The following UBE2R2 variants were observed in gnomAD, a reference collection of about 807,000 sequenced individuals.
UBE2R2 encodes ubiquitin-conjugating enzyme E2 R2.
Under a neutral mutation model 27.8 loss-of-function variants are expected in UBE2R2, and 1 was observed. That is an observed-to-expected ratio of 0.04 (90% CI 0.01 to 0.17). UBE2R2 has a LOEUF of 0.17. Among genes scored for constraint, UBE2R2 ranks in the 10% least tolerant of loss-of-function variants. The pLI is 1.00. For missense variants in UBE2R2, 100 were observed against 291.0 expected (o/e 0.34, Z 4.78); for synonymous variants, 106 against 113.3 (o/e 0.94, Z 0.41).
intron 1 of UBE2R2, among the ~76,000 whole-genome samples, chr9:33,874,925 C>T (rs940024205): frequency 3.3e-5 from 5 of 152,032 alleles, no homozygotes; most frequent in South Asian, 2.1e-4. Context: ...GCCTCAGCCT[C>T]GCAAGGTGCT....
chr9:33,822,278 A>G (rs918389430), intron 1 of UBE2R2, among the ~76,000 whole-genome samples: 1 of 151,724 alleles, frequency 6.6e-6, no homozygotes, highest in East Asian at 1.9e-4. Context: ...TTTGGTAGAG[A>G]CGAGGTTTCT....
chr9:33,854,030 C>T (rs1389601917), intron 1 of UBE2R2, among the ~76,000 whole-genome samples: 1 of 152,020 alleles, frequency 6.6e-6, no homozygotes, highest in East Asian at 1.9e-4. Context: ...ATTGTTTTAA[C>T]TGTGTCCCAC....
At chr9:33,850,727 A>G (rs1244330620) in intron 1 of UBE2R2, among the ~76,000 whole-genome samples, 1 of 152,198 alleles carries the variant, frequency 6.6e-6, no homozygotes, top group African/African-American at 2.4e-5. Flanking sequence ...TAGTTCACAT[A>G]TATAGTTTTA....
chr9:33,850,876 C>T (rs955203523), intron 1 of UBE2R2, among the ~76,000 whole-genome samples: 1 of 152,170 alleles, frequency 6.6e-6, no homozygotes, highest in Non-Finnish European at 1.5e-5. Context: ...TGGTTACCTC[C>T]AGCATAAAGC....
chr9:33,854,573 C>T (rs765019393), intron 1 of UBE2R2, among the ~76,000 whole-genome samples: 6 of 151,978 alleles, frequency 3.9e-5, no homozygotes, highest in South Asian at 2.1e-4. Flanking sequence ...CCGCCTGCTT[C>T]GGCCTCCCAA....
intron 2 of UBE2R2, among the ~76,000 whole-genome samples, chr9:33,896,953 GT>G (rs35702790): frequency 0.45 from 57,266 of 127,980 alleles, 11,607 homozygotes; most frequent in South Asian, 0.52. Context: ...TGTTTTTTGT[GT>G]TTTTTTTTTG....
intron 1 of UBE2R2, among the ~76,000 whole-genome samples, chr9:33,848,963 A>G (rs1175881423): frequency 1.3e-5 from 2 of 151,942 alleles, no homozygotes; most frequent in African/African-American, 4.8e-5. Context: ...AGATAATAAT[A>G]ACTCCTGTTT....
At chr9:33,888,577 G>A (rs972833030) in intron 2 of UBE2R2, among the ~76,000 whole-genome samples, 18 of 152,236 alleles carry the variant, frequency 1.2e-4, no homozygotes, top group African/African-American at 4.3e-4. Flanking sequence ...GAGTGCAGTG[G>A]TGCGATTTCA....
At chr9:33,894,114 T>G (rs1219594268) in intron 2 of UBE2R2, among the ~76,000 whole-genome samples, 2 of 152,092 alleles carry the variant, frequency 1.3e-5, no homozygotes, top group Non-Finnish European at 2.9e-5. Flanking sequence ...CTTTACATCC[T>G]TACCAACACT....
At chr9:33,897,012 T>C (rs1158819945) in intron 2 of UBE2R2, among the ~76,000 whole-genome samples, 3 of 149,570 alleles carry the variant, frequency 2.0e-5, no homozygotes, top group Non-Finnish European at 4.4e-5. Flanking sequence ...AGTAGCATAC[T>C]TCTGTGGCCT....
chr9:33,873,881 G>A lies in UBE2R2; in HGVS notation c.178-13000G>A, dbSNP rs947393599. ...TGAACTTGAACTTCTGGGCTCAAGC[G>A]ATCCGCCTGCCTTGGCCTCCCAAAG... On this transcript the variant is annotated intron_variant, in intron 1 of 4. Coordinates refer to ENST00000263228, the MANE Select transcript of UBE2R2 (RefSeq NM_017811.4). 4.6e-5 allele frequency among the ~76,000 whole-genome samples: 7 copies of A among 151,910 alleles called. No homozygotes were observed. In the South Asian group the frequency reaches 6.2e-4, roughly 14 times the overall value.
At chr9:33,816,252 G>A (rs1825753668), upstream of UBE2R2, among the ~76,000 whole-genome samples, 1 of 152,182 alleles carries the variant, frequency 6.6e-6, no homozygotes, top group Admixed American at 6.5e-5. Context: ...CTAGGAGAAA[G>A]GAGTACTGTA....
chr9:33,859,760 T>TTGTG (rs57089790), intron 1 of UBE2R2, among the ~76,000 whole-genome samples: 5,006 of 130,436 alleles, frequency 0.038, 129 homozygotes, highest in East Asian at 0.1. Flanking sequence ...TCTAAGCCTT[T>TTGTG]TGTGTGTGTG....
intron 4 of UBE2R2, 151 bp from the exon 5 acceptor site, chr9:33,916,867 G>A (rs970439885): frequency 3.2e-6 from 4 of 1,250,670 alleles, no homozygotes; most frequent in Admixed American, 2.8e-5. Context: ...AAAGCATTTG[G>A]TGTAGTACAG....
chr9:33,819,270 A>C (rs1825917633), intron 1 of UBE2R2, among the ~76,000 whole-genome samples: 1 of 152,052 alleles, frequency 6.6e-6, no homozygotes. Context: ...CTTGTTTTCT[A>C]CCCTTCTAAA....
chr9:33,890,610 G>A (rs1419162510), intron 2 of UBE2R2, among the ~76,000 whole-genome samples: 1 of 152,040 alleles, frequency 6.6e-6, no homozygotes, highest in African/African-American at 2.4e-5. Flanking sequence ...AGGAGTTTGA[G>A]ACCAGCCTGG....
At chr9:33,914,625 G>A (rs973701511) in intron 4 of UBE2R2, among the ~76,000 whole-genome samples, 26 of 152,134 alleles carry the variant, frequency 1.7e-4, no homozygotes, top group South Asian at 2.1e-4. Flanking sequence ...TCAAGAGTTC[G>A]AGACCAACCT....
rs1434392682 is a variant in UBE2R2, at chr9:33,919,475, CCT to C, written c.*2241_*2242del. 4 of 152,360 alleles carry C rather than the reference CCT, an allele frequency of 2.6e-5. No individual in the cohort carries two copies. Among genetic ancestry groups the C allele is most frequent in the African/African-American group, 9.6e-5 (4 of 41,564 alleles). 9.4% of individuals were successfully genotyped at this position (152,360 alleles called of 1,614,324 possible). On this transcript the variant is annotated 3_prime_UTR_variant, in exon 5 of 5. Coordinates refer to ENST00000263228, the MANE Select transcript of UBE2R2 (RefSeq NM_017811.4). ...CAGCTGTTCCATCAGGCCCTATTGG[CCT>C]CTGTTAGACATTGACTCAGGGAGCC...
chr9:33,823,897 C>G (rs761659734), intron 1 of UBE2R2, among the ~76,000 whole-genome samples: 1 of 152,176 alleles, frequency 6.6e-6, no homozygotes, highest in African/African-American at 2.4e-5. Context: ...AAAACGAATG[C>G]TCTTTTATTC....
Sources: allele counts gnomAD v4.1 joint callset (sites outside exome capture counted in the v4.1 genomes callset), GRCh38; gene constraint gnomAD v4.1.1; transcripts MANE v1.5; gene names NCBI Gene and HGNC (gene_info 2026-07-23, HGNC 2026-07-21).